The following CSMD1 variants were observed in gnomAD, a reference collection of about 807,000 sequenced individuals.
The protein encoded by CSMD1 is CUB and Sushi multiple domains 1, also known as CUB and sushi domain-containing protein 1.
A neutral mutation model predicts 417.5 loss-of-function variants in CSMD1; 213 were observed. The observed-to-expected ratio is 0.51, with a 90% confidence interval of 0.46 to 0.57. The LOEUF is 0.57. CSMD1 is among the 20% of genes least tolerant of loss of function. The pLI, the probability that CSMD1 is intolerant of heterozygous loss-of-function variation, is 0.00. For missense variants in CSMD1, 6,923 were observed against 4,529.7 expected (o/e 1.53, Z -15.17); for synonymous variants, 2,862 against 1,736.8 (o/e 1.65, Z -16.11).
chr8:4,005,431 A>G (rs1816036123), intron 4 of CSMD1, among the ~76,000 whole-genome samples: 1 of 152,224 alleles, frequency 6.6e-6, no homozygotes, highest in African/African-American at 2.4e-5. Flanking sequence ...GACACAGACA[A>G]GTGCTTTGCA....
At chr8:4,035,260 G>C (rs1264328179) in intron 3 of CSMD1, among the ~76,000 whole-genome samples, 3 of 152,144 alleles carry the variant, frequency 2.0e-5, no homozygotes, top group Admixed American at 6.5e-5. Flanking sequence ...TGTGCAGCCA[G>C]TCATACAAAT....
intron 5 of CSMD1, among the ~76,000 whole-genome samples, chr8:3,912,359 G>C (rs1808517435): frequency 6.6e-6 from 1 of 152,122 alleles, no homozygotes; most frequent in Non-Finnish European, 1.5e-5. Flanking sequence ...ATGTATTTAG[G>C]ATTTACTACA....
chr8:3,670,576 G>T (rs528973969), intron 7 of CSMD1, among the ~76,000 whole-genome samples: 3,867 of 109,948 alleles, frequency 0.035, 238 homozygotes, highest in African/African-American at 0.12. Context: ...ATATATATAT[G>T]GGATATATAT....
intron 10 of CSMD1, among the ~76,000 whole-genome samples, chr8:3,556,887 A>G (rs1451852260): frequency 6.6e-6 from 1 of 152,130 alleles, no homozygotes; most frequent in Non-Finnish European, 1.5e-5. Flanking sequence ...ACTTCACAGG[A>G]AAGCCACAAA....
At chr8:3,012,475 A>G (rs1808467829) in intron 52 of CSMD1, among the ~76,000 whole-genome samples, 1 of 152,168 alleles carries the variant, frequency 6.6e-6, no homozygotes, top group Non-Finnish European at 1.5e-5. Context: ...AGTATGAGTC[A>G]TGTTGCGATG....
At chr8:3,103,727 C>G (rs1585356833) in intron 46 of CSMD1, among the ~76,000 whole-genome samples, 1 of 148,536 alleles carries the variant, frequency 6.7e-6, no homozygotes, top group African/African-American at 2.5e-5. Flanking sequence ...AGAGGACACC[C>G]TAATCAAATT....
chr8:3,331,820 C>T (rs552822605), intron 23 of CSMD1, among the ~76,000 whole-genome samples: 1 of 152,246 alleles, frequency 6.6e-6, no homozygotes, highest in Middle Eastern at 3.4e-3. Context: ...ACTCCTATTT[C>T]TTTATGTGTA....
chr8:4,876,209 T>A (rs1432178992), intron 1 of CSMD1, among the ~76,000 whole-genome samples: 2 of 152,106 alleles, frequency 1.3e-5, no homozygotes, highest in African/African-American at 4.8e-5. Flanking sequence ...TGTAGGCCAC[T>A]TTTGGAGCTC....
At chr8:3,599,015 G>C (rs539758555) in intron 8 of CSMD1, among the ~76,000 whole-genome samples, 2 of 151,972 alleles carry the variant, frequency 1.3e-5, no homozygotes, top group African/African-American at 4.8e-5. Context: ...TGGGAGGTAG[G>C]GGTTGCAGTG....
chr8:4,026,147 A>C (rs1303040157), intron 4 of CSMD1, among the ~76,000 whole-genome samples: 3 of 152,126 alleles, frequency 2.0e-5, no homozygotes, highest in Non-Finnish European at 4.4e-5. Context: ...ATCTCTCATA[A>C]ATATGTCACA....
intron 1 of CSMD1, among the ~76,000 whole-genome samples, chr8:4,734,542 T>C (rs922782521): frequency 1.3e-5 from 2 of 152,194 alleles, no homozygotes; most frequent in Admixed American, 6.5e-5. Flanking sequence ...GAAACGTATT[T>C]GGTAGCGAAG....
At chr8:3,295,579 G>C (rs374028846) in intron 25 of CSMD1, among the ~76,000 whole-genome samples, 1 of 152,164 alleles carries the variant, frequency 6.6e-6, no homozygotes, top group Non-Finnish European at 1.5e-5. Context: ...ACGTGGTACC[G>C]CACTGTATAT....
At chr8:4,295,750 G>GTGTATATATA (rs1175477762) in intron 3 of CSMD1, among the ~76,000 whole-genome samples, 3 of 34,248 alleles carry the variant, frequency 8.8e-5, no homozygotes, top group Non-Finnish European at 1.5e-4. Context: ...ATGTGTGTGT[G>GTGTATATATA]TATATATATA....
At chr8:4,973,808 T>C (rs1484850144) in intron 1 of CSMD1, among the ~76,000 whole-genome samples, 2 of 152,212 alleles carry the variant, frequency 1.3e-5, no homozygotes, top group Non-Finnish European at 2.9e-5. Flanking sequence ...AACTTAGCTG[T>C]TCCTGAACTG....
intron 2 of CSMD1, among the ~76,000 whole-genome samples, chr8:4,596,415 T>C (rs896205879): frequency 3.3e-5 from 5 of 152,210 alleles, no homozygotes; most frequent in Admixed American, 3.3e-4. Context: ...CAATTTTCTA[T>C]TCATTTCTAA....
intron 1 of CSMD1, among the ~76,000 whole-genome samples, chr8:4,709,644 C>T (rs1808167231): frequency 6.6e-6 from 1 of 152,180 alleles, no homozygotes; most frequent in Non-Finnish European, 1.5e-5. Flanking sequence ...CCCAAGACTA[C>T]TGGGGGTCTT....
chr8:3,055,017 T>C (rs980597440), intron 49 of CSMD1, among the ~76,000 whole-genome samples: 4 of 152,182 alleles, frequency 2.6e-5, no homozygotes, highest in Non-Finnish European at 4.4e-5. Context: ...AAATCACGTG[T>C]TCATGATCGC....
At chr8:3,941,173 C>A (rs1037448148) in intron 5 of CSMD1, among the ~76,000 whole-genome samples, 2 of 151,950 alleles carry the variant, frequency 1.3e-5, no homozygotes, top group African/African-American at 4.8e-5. Context: ...ATAAAATATT[C>A]AGAATATTCA....
chr8:4,523,237 A>G (rs1164149756), intron 2 of CSMD1, among the ~76,000 whole-genome samples: 1 of 152,220 alleles, frequency 6.6e-6, no homozygotes, highest in Non-Finnish European at 1.5e-5. Flanking sequence ...AGCAAGGGAT[A>G]TAAAAACAAA....
Sources: gnomAD v4.1 joint callset for allele counts (sites outside exome capture counted in the v4.1 genomes callset) on GRCh38, gnomAD v4.1.1 for gene constraint, MANE v1.5 for transcripts, NCBI Gene and HGNC (gene_info 2026-07-23, HGNC 2026-07-21) for gene names.